The following GDF5 variants were observed in gnomAD, a reference collection of about 807,000 sequenced individuals.
GDF5 encodes growth differentiation factor 5, also known as growth/differentiation factor 5.
A neutral mutation model predicts 34.6 loss-of-function variants in GDF5; 17 were observed. The ratio of observed to expected loss-of-function variants is 0.49; its 90% CI spans 0.34 to 0.74. The LOEUF (loss-of-function observed/expected upper bound fraction) is 0.74. GDF5 is among the 30% of genes least tolerant of loss of function. GDF5 has a pLI of 0.01. For synonymous variants in GDF5, 332 were observed against 290.7 expected, an observed-to-expected ratio of 1.14 and a Z score of -1.44; for missense variants, 616 against 661.2, an observed-to-expected ratio of 0.93 and a Z score of 0.75.
intron 1 of GDF5, among the ~76,000 whole-genome samples, chr20:35,453,573 T>C (rs1160459951): frequency 1.3e-5 from 2 of 152,238 alleles, no homozygotes; most frequent in Non-Finnish European, 1.5e-5. Flanking sequence ...ACTGCTTCTT[T>C]GCATCGTTTT....
Position 35,437,520 on chromosome 20 carries a change from C to T in GDF5, c.409G>A (p.Ala137Thr), listed in dbSNP as rs1357403678. The change falls in exon 1 of 2, where the codon GCA becomes ACA. Residue 137 changes from alanine to threonine, a missense_variant. Physicochemically the swap from Ala to Thr is moderately conservative, Grantham distance 58. Coordinates refer to ENST00000374369, the MANE Select transcript of GDF5 (RefSeq NM_000557.5). ...QLPGGKAPPK[A>T]GSVPSSFLLK... ...AGGAAGGAGCTGGGGACAGATCCTG[C>T]TTTTGGGGGTGCCTTGCCTCCGGGA... The T allele has an allele frequency of 3.7e-6, 6 of 1,614,152 alleles. No individual in the cohort carries two copies. Among genetic ancestry groups the T allele is most frequent in the Non-Finnish European group, 5.1e-6 (6 of 1,180,014 alleles).
At chr20:35,444,513 C>G (rs1438170998) in intron 1 of GDF5, among the ~76,000 whole-genome samples, 1 of 152,072 alleles carries the variant, frequency 6.6e-6, no homozygotes, top group Non-Finnish European at 1.5e-5. Flanking sequence ...GGGGCAGTGG[C>G]AGGAGGTGAG....
chr20:35,448,427 T>C (rs2062520842), intron 1 of GDF5, among the ~76,000 whole-genome samples: 1 of 142,234 alleles, frequency 7.0e-6, no homozygotes, highest in Non-Finnish European at 1.5e-5. Context: ...TATATATATA[T>C]ATAGTTAAGG....
Position 35,434,778 on chromosome 20 carries a change from G to C in GDF5, c.637C>G (p.Arg213Gly). 1 of 1,611,850 alleles carries C rather than the reference G, an allele frequency of 6.2e-7. No homozygotes were observed. The highest frequency in any genetic ancestry group is 1.6e-4 in the Middle Eastern group (1 of 6,062). ...CTCTGCTTCCTGACCACGGGACCTCGGTCATCTAGAGAGAACACCCAGAAG... is the reference window on the plus strand; with the variant it reads ...CTCTGCTTCCTGACCACGGGACCTCCGTCATCTAGAGAGAACACCCAGAAG... Reference protein sequence around the residue: ...TSFIDKGQDDRGPVVRKQRYV... With the variant: ...TSFIDKGQDDGGPVVRKQRYV... The change falls in exon 2 of 2, where the codon CGA (arginine) becomes GGA (glycine). Residue 213 changes from arginine to glycine, a missense_variant. Transcript: ENST00000374369.
chr20:35,437,883 A>T lies in GDF5; in HGVS notation c.46T>A (p.Trp16Arg). The T allele has an allele frequency of 6.2e-7, 1 of 1,614,096 alleles. No homozygotes were observed. The highest frequency in any genetic ancestry group is 1.1e-5 in the South Asian group (1 of 91,082). The change falls in exon 1 of 2, where the codon TGG (tryptophan) becomes AGG (arginine). Residue 16 changes from tryptophan (W) to arginine (R), a missense_variant. Trp to Arg is a moderately radical substitution (Grantham distance 101). Coordinates refer to ENST00000374369, the MANE Select transcript of GDF5 (RefSeq NM_000557.5). Reference sequence around the variant, plus strand: ...GTGCAGATGAATTCCAGGTCCAGCCAAGCCAGGTACCAAAGCAAGAAAGTG... The same window carrying T: ...GTGCAGATGAATTCCAGGTCCAGCCTAGCCAGGTACCAAAGCAAGAAAGTG... Reference protein sequence around the residue: ...LLTFLLWYLAWLDLEFICTVL... With the variant: ...LLTFLLWYLARLDLEFICTVL...
chr20:35,451,078 T>TATATATATATATATATAC (rs2062531503), intron 1 of GDF5, among the ~76,000 whole-genome samples: 1 of 43,036 alleles, frequency 2.3e-5, no homozygotes, highest in Non-Finnish European at 3.9e-5. Flanking sequence ...TATATATATA[T>TATATATATATATATATAC]ATATATATAT....
intron 1 of GDF5, among the ~76,000 whole-genome samples, chr20:35,452,505 C>A (rs2062537131): frequency 6.6e-6 from 1 of 152,206 alleles, no homozygotes; most frequent in Non-Finnish European, 1.5e-5. Flanking sequence ...TCACCGCAAC[C>A]TCCGCCTCCC....
intron 1 of GDF5, among the ~76,000 whole-genome samples, chr20:35,449,472 G>T (rs1299314246): frequency 6.6e-6 from 1 of 152,116 alleles, no homozygotes; most frequent in Non-Finnish European, 1.5e-5. Context: ...TCACAAACAA[G>T]TCATAGTGGC....
chr20:35,450,088 A>T (rs2062525936), intron 1 of GDF5, among the ~76,000 whole-genome samples: 1 of 151,100 alleles, frequency 6.6e-6, no homozygotes, highest in Non-Finnish European at 1.5e-5. Context: ...GGATCACTTG[A>T]GGTCAGGAAT....
At chr20:35,454,026 G>C (rs779862708) in intron 1 of GDF5, 2 of 534,396 alleles carry the variant, frequency 3.7e-6, no homozygotes, top group South Asian at 1.4e-5. Flanking sequence ...CCGGTTTAGG[G>C]ATTCTCTGGG....
chr20:35,447,639 C>T lies in GDF5; in HGVS notation c.-397-6252G>A, dbSNP rs149161771. 2.4e-3 allele frequency among the ~76,000 whole-genome samples: 362 copies of T among 152,076 alleles called. 2 individuals are homozygous for T. The highest frequency in any genetic ancestry group is 8.5e-3 in the African/African-American group (351 of 41,472). On this transcript the variant is annotated intron_variant, in intron 1 of 3. Coordinates refer to the GDF5 transcript ENST00000374372. Reference sequence around the variant, plus strand: ...ATTCTAAAACTTATAAAAAGTCATACATATTAGGAAGAAAAGTAATATGAA... The same window carrying T: ...ATTCTAAAACTTATAAAAAGTCATATATATTAGGAAGAAAAGTAATATGAA...
At chr20:35,439,229 C>T (rs2062489228), upstream of GDF5, among the ~76,000 whole-genome samples, 2 of 148,712 alleles carry the variant, frequency 1.3e-5, no homozygotes, top group Non-Finnish European at 3.0e-5. Flanking sequence ...CCATTTCCCA[C>T]ATGACGCTTT....
rs1349320327 is a variant in GDF5, at chr20:35,434,772, G to C, written c.643C>G (p.Pro215Ala). 6.2e-7 allele frequency: 1 copy of C among 1,611,492 alleles called. No individual in the cohort carries two copies. Among genetic ancestry groups the C allele is most frequent in the East Asian group, 2.2e-5 (1 of 44,874 alleles). Reference sequence around the variant, plus strand: ...ACGTACCTCTGCTTCCTGACCACGGGACCTCGGTCATCTAGAGAGAACACC... The same window carrying C: ...ACGTACCTCTGCTTCCTGACCACGGCACCTCGGTCATCTAGAGAGAACACC... ...FIDKGQDDRG[P>A]VVRKQRYVFD... Residue 215 changes from proline to alanine, a missense_variant, in exon 2 of 2, where the codon CCC becomes GCC. By Grantham distance (27) the Pro-to-Ala change is conservative. Transcript: ENST00000374369.
In GDF5 at chr20:35,437,467, G is replaced by T. The variant is rs150686636; in HGVS notation, c.462C>A (p.Pro154=). ...FLLKKAREPG[P]PREPKEPFRP... is the part of the protein sequence containing the mutation. ...GAAACGGCTCCTTGGGCTCTCGTGG[G>T]GGCCCGGGCTCCCTGGCCTTCTTCA... Residue 154 remains proline, a synonymous_variant, in exon 1 of 2, where the codon CCC becomes CCA. Coordinates refer to ENST00000374369, the MANE Select transcript of GDF5 (RefSeq NM_000557.5). 686 of 1,614,100 alleles carry T rather than the reference G, an allele frequency of 4.3e-4. 1 individual carries two copies. In the African/African-American group the frequency reaches 7.8e-3, roughly 18 times the overall value.
upstream of GDF5, among the ~76,000 whole-genome samples, chr20:35,439,931 T>C (rs2146585643): frequency 7.0e-6 from 1 of 141,978 alleles, no homozygotes; most frequent in South Asian, 2.4e-4. Context: ...TTTTTTTTTT[T>C]TTTGAGACAG....
At chr20:35,441,015 T>C (rs987877484), upstream of GDF5, among the ~76,000 whole-genome samples, 2 of 152,248 alleles carry the variant, frequency 1.3e-5, no homozygotes, top group Non-Finnish European at 2.9e-5. Context: ...GGAAGAATTG[T>C]CTTGCCACTT....
In GDF5 at chr20:35,437,649, G is replaced by C. The variant is rs779771024; in HGVS notation, c.280C>G (p.Pro94Ala). ...CCCGGTCTGGGGGGCAGCTTTTTGG[G>C]TTCATCCTTCTTGGGCTGTGTCAGG... ...GGLTQPKKDE[P>A]KKLPPRPGGP... The change falls in exon 1 of 2, where the codon CCC becomes GCC. Residue 94 changes from proline to alanine, a missense_variant. Transcript: ENST00000374369. 6.2e-7 allele frequency: 1 copy of C among 1,614,100 alleles called. No individual in the cohort carries two copies. Among genetic ancestry groups the C allele is most frequent in the East Asian group, 2.2e-5 (1 of 44,862 alleles).
intron 1 of GDF5, among the ~76,000 whole-genome samples, chr20:35,452,326 G>A (rs897275373): frequency 7.2e-5 from 11 of 152,036 alleles, no homozygotes; most frequent in African/African-American, 2.7e-4. Context: ...ATGTCCACTG[G>A]GTAAATGAAT....
At chr20:35,442,788 T>C (rs930951712), upstream of GDF5, among the ~76,000 whole-genome samples, 4 of 152,082 alleles carry the variant, frequency 2.6e-5, no homozygotes, top group Admixed American at 6.6e-5. Flanking sequence ...TCAAGTGATC[T>C]GCCCACCTCG....
Sources: gnomAD v4.1 joint callset for allele counts (sites outside exome capture counted in the v4.1 genomes callset) on GRCh38, gnomAD v4.1.1 for gene constraint, MANE v1.5 for transcripts, NCBI Gene and HGNC (gene_info 2026-07-23, HGNC 2026-07-21) for gene names.